Variants in METTL15 observed in about 807,000 individuals in gnomAD.
METTL15 encodes 12S rRNA N(4)-cytidine methyltransferase METTL15.
METTL15 carries 34 observed loss-of-function variants against 38.3 expected under a neutral mutation model. The observed-to-expected ratio is 0.89, with a 90% confidence interval of 0.68 to 1.18. The LOEUF is 1.18. Ranked by LOEUF, METTL15 falls within the 50% of genes most tolerant of loss-of-function variation. METTL15 has a pLI of 0.00. For synonymous variants in METTL15, 162 were observed against 170.9 expected, an observed-to-expected ratio of 0.95 and a Z score of 0.41; for missense variants, 438 against 498.4, an observed-to-expected ratio of 0.88 and a Z score of 1.15.
chr11:28,332,939 A>G lies in METTL15; in HGVS notation c.*2098A>G, dbSNP rs1418711318. On this transcript the variant is annotated 3_prime_UTR_variant, in exon 7 of 7. Transcript: ENST00000407364. ...GCAACAGAACGAGACTCTGTCTCAAAAAAAAAAAAAAAAAGGAAGAAAGAG... is the reference window on the plus strand; with the variant it reads ...GCAACAGAACGAGACTCTGTCTCAAGAAAAAAAAAAAAAAGGAAGAAAGAG... 2 of 106,522 alleles carry G rather than the reference A, an allele frequency of 1.9e-5. No individual in the cohort carries two copies. The highest frequency in any genetic ancestry group is 1.7e-4 in the Admixed American group (2 of 11,742). The allele number at this position is 106,522 out of a possible 1,614,324, so 6.6% of individuals were successfully genotyped here. A position where few individuals can be genotyped will look rare whatever the true frequency, so the allele number is the denominator to read the frequency against.
At chr11:28,397,895 A>G (rs924831866) in intron 5 of METTL15, among the ~76,000 whole-genome samples, 4 of 152,174 alleles carry the variant, frequency 2.6e-5, no homozygotes, top group African/African-American at 9.7e-5. Context: ...TACACCATGG[A>G]ATACTATGCA....
intron 6 of METTL15, among the ~76,000 whole-genome samples, chr11:28,307,029 T>C (rs970224952): frequency 8.6e-5 from 13 of 151,956 alleles, no homozygotes; most frequent in Non-Finnish European, 1.8e-4. Flanking sequence ...GTCAGAAATA[T>C]TAAGTTTCAT....
chr11:28,502,998 T>G (rs1389392016), intron 6 of METTL15, among the ~76,000 whole-genome samples: 1 of 152,180 alleles, frequency 6.6e-6, no homozygotes, highest in East Asian at 1.9e-4. Flanking sequence ...TCTCAATGAC[T>G]TCAAGTAAAA....
At chr11:28,349,750 T>C (rs1850026185) in intron 3 of METTL15, among the ~76,000 whole-genome samples, 1 of 152,212 alleles carries the variant, frequency 6.6e-6, no homozygotes, top group Non-Finnish European at 1.5e-5. Flanking sequence ...CATTTTCATC[T>C]CCCCAGAAAG....
intron 6 of METTL15, among the ~76,000 whole-genome samples, chr11:28,320,814 A>C (rs1415713380): frequency 6.6e-6 from 1 of 152,214 alleles, no homozygotes; most frequent in Non-Finnish European, 1.5e-5. Flanking sequence ...ATTACCAAAT[A>C]GGGTAAAACT....
intron 6 of METTL15, among the ~76,000 whole-genome samples, chr11:28,522,375 C>G (rs184253927): frequency 1.3e-5 from 2 of 152,272 alleles, no homozygotes; most frequent in Admixed American, 1.3e-4. Context: ...GCTGGAGACC[C>G]GAAGAAGAGC....
At chr11:28,315,231 G>A (rs1448693825) in intron 6 of METTL15, among the ~76,000 whole-genome samples, 2 of 152,152 alleles carry the variant, frequency 1.3e-5, no homozygotes, top group Admixed American at 6.5e-5. Context: ...TGCCCAAAAC[G>A]CTGATTGAGA....
At chr11:28,367,871 G>C (rs534788137) in intron 5 of METTL15, among the ~76,000 whole-genome samples, 54 of 152,218 alleles carry the variant, frequency 3.5e-4, no homozygotes, top group African/African-American at 1.3e-3. Context: ...AATAAATGAT[G>C]TTGGGAAAAC....
rs531637106 is a variant in METTL15, at chr11:28,400,222, G to A, written c.*359-24077G>A. Among the ~76,000 whole-genome samples the A allele has an allele frequency of 3.0e-5, 4 of 134,202 alleles. No individual in the cohort carries two copies. The East Asian group carries it at 6.2e-4, about 21-fold the overall frequency. The allele number at this position is 134,202 out of a possible 152,430, so 88.0% of individuals were successfully genotyped here. A position where few individuals can be genotyped will look rare whatever the true frequency, so the allele number is the denominator to read the frequency against. On this transcript the variant is annotated intron_variant and NMD_transcript_variant, in intron 5 of 7. Coordinates refer to the METTL15 transcript ENST00000532947. ...TCTACTATGTGTAGCATTTTATAAA[G>A]CAAATTTTCTCTTTTTTTTTTCACT... is the stretch of plus-strand genomic sequence containing the variant.
intron 6 of METTL15, among the ~76,000 whole-genome samples, chr11:28,329,960 A>G (rs890552210): frequency 3.9e-5 from 6 of 152,064 alleles, no homozygotes; most frequent in Non-Finnish European, 7.4e-5. Context: ...TTCTTTATGT[A>G]ATGAATTTTC....
At chr11:28,381,538 T>C (rs1850383928) in intron 5 of METTL15, among the ~76,000 whole-genome samples, 1 of 152,124 alleles carries the variant, frequency 6.6e-6, no homozygotes, top group Non-Finnish European at 1.5e-5. Context: ...AGGCAATCTT[T>C]CTTCTTTTTC....
At chr11:28,499,604 C>A (rs550885358) in intron 6 of METTL15, among the ~76,000 whole-genome samples, 13 of 152,242 alleles carry the variant, frequency 8.5e-5, no homozygotes, top group African/African-American at 2.6e-4. Context: ...TCATCTCTTC[C>A]CAACTTATTG....
At chr11:28,145,421 C>A (rs753436532) in intron 3 of METTL15, 1 of 151,900 alleles carries the variant, frequency 6.6e-6, no homozygotes, top group Non-Finnish European at 1.5e-5. Context: ...TTGTAGACAT[C>A]TATAACATAA....
chr11:28,297,646 T>C (rs1462978317), intron 6 of METTL15, among the ~76,000 whole-genome samples: 1 of 152,152 alleles, frequency 6.6e-6, no homozygotes, highest in Non-Finnish European at 1.5e-5. Flanking sequence ...CTGTGTTCCG[T>C]GATGAAAGTT....
intron 4 of METTL15, among the ~76,000 whole-genome samples, chr11:28,227,511 A>T (rs1434344805): frequency 6.6e-6 from 1 of 151,796 alleles, no homozygotes; most frequent in Admixed American, 6.6e-5. Context: ...GAGAGAATTG[A>T]AGTGTTGAAA....
At chr11:28,348,660 A>G (rs1850016388) in intron 3 of METTL15, among the ~76,000 whole-genome samples, 1 of 151,672 alleles carries the variant, frequency 6.6e-6, no homozygotes, top group East Asian at 1.9e-4. Context: ...ATGAGCCACC[A>G]CTGAACTTTG....
At chr11:28,471,605 A>C (rs1209001278) in intron 6 of METTL15, among the ~76,000 whole-genome samples, 4 of 152,106 alleles carry the variant, frequency 2.6e-5, no homozygotes, top group Admixed American at 2.0e-4. Context: ...CCATCATGCA[A>C]GGTTGCTTTT....
At chr11:28,196,401 T>C (rs1851910498) in intron 3 of METTL15, among the ~76,000 whole-genome samples, 1 of 152,016 alleles carries the variant, frequency 6.6e-6, no homozygotes, top group South Asian at 2.1e-4. Context: ...TAGCTCACCT[T>C]GTAGAGATAT....
At chr11:28,206,404 G>T (rs1008357815) in intron 3 of METTL15, among the ~76,000 whole-genome samples, 3 of 152,264 alleles carry the variant, frequency 2.0e-5, no homozygotes, top group Admixed American at 6.5e-5. Flanking sequence ...GTTTGTCAAA[G>T]ATCAGATGGT....
Sources: gnomAD v4.1 joint callset for allele counts (sites outside exome capture counted in the v4.1 genomes callset) on GRCh38, gnomAD v4.1.1 for gene constraint, MANE v1.5 for transcripts, NCBI Gene and HGNC (gene_info 2026-07-23, HGNC 2026-07-21) for gene names.